Variants in ROBO2 observed in about 807,000 individuals in gnomAD.
ROBO2 encodes roundabout homolog 2.
Under a neutral mutation model 160.8 loss-of-function variants are expected in ROBO2, and 53 were observed. The ratio of observed to expected loss-of-function variants is 0.33; its 90% CI spans 0.26 to 0.41. The LOEUF (loss-of-function observed/expected upper bound fraction) is 0.41. ROBO2 is among the 10% of genes least tolerant of loss of function. ROBO2 has a pLI of 1.00. For missense variants in ROBO2, 1,577 were observed against 1,722.4 expected (o/e 0.92, Z 1.49); for synonymous variants, 664 against 611.7 (o/e 1.09, Z -1.26).
rs145065527 is a variant in ROBO2 at position 76,753,629 on chromosome 3, G to A, written c.110-344385G>A. 6.5e-3 allele frequency among the ~76,000 whole-genome samples: 989 copies of A among 151,870 alleles called. 6 individuals are homozygous for A. Among genetic ancestry groups the A allele is most frequent in the Middle Eastern group, 0.024 (7 of 294 alleles). ...TTTAAGTATTTGATACTTCATATGC[G>A]ATTTATAGCAAATATGGCAGGTCAC... On this transcript the variant is annotated intron_variant, in intron 2 of 26. Transcript: ENST00000487694.
At chr3:77,299,886 C>A (rs1490256405) in intron 2 of ROBO2, among the ~76,000 whole-genome samples, 1 of 151,942 alleles carries the variant, frequency 6.6e-6, no homozygotes, top group Non-Finnish European at 1.5e-5. Context: ...AATGGAGACC[C>A]CAAGTTGGTT....
chr3:76,638,386 A>G (rs543047168), intron 2 of ROBO2, among the ~76,000 whole-genome samples: 10 of 152,346 alleles, frequency 6.6e-5, no homozygotes, highest in African/African-American at 1.7e-4. Context: ...TTGGTGGTCA[A>G]TAATTCAAAG....
chr3:76,046,685 A>G (rs553640266), intron 2 of ROBO2, among the ~76,000 whole-genome samples: 220 of 152,100 alleles, frequency 1.4e-3, no homozygotes, highest in Admixed American at 1.8e-3. Context: ...GGACCACATC[A>G]TACTGGGCCC....
intron 2 of ROBO2, among the ~76,000 whole-genome samples, chr3:77,348,902 A>G (rs1233118677): frequency 2.0e-5 from 3 of 151,564 alleles, no homozygotes; most frequent in African/African-American, 7.3e-5. Context: ...ATCTTTTCCA[A>G]CAGATATTCA....
At chr3:76,601,444 A>G (rs1366506698) in intron 2 of ROBO2, among the ~76,000 whole-genome samples, 2 of 152,114 alleles carry the variant, frequency 1.3e-5, no homozygotes, top group Non-Finnish European at 2.9e-5. Flanking sequence ...TTTCCATACA[A>G]TTTTTGAAAT....
chr3:76,632,514 C>T lies in ROBO2; in HGVS notation c.110-465500C>T, dbSNP rs371838737. ...TTAGAGCACAATTCTTACCAAATGT[C>T]ATAGTAGTAAAGTCATTAAATTTGT... On this transcript the variant is annotated intron_variant, in intron 2 of 26. Transcript: ENST00000487694. Among the ~76,000 whole-genome samples the T allele has an allele frequency of 7.9e-5, 12 of 152,174 alleles. 1 individual carries two copies. In the South Asian group the frequency reaches 1.2e-3, roughly 16 times the overall value.
intron 2 of ROBO2, among the ~76,000 whole-genome samples, chr3:76,915,708 C>A (rs112979639): frequency 6.6e-6 from 1 of 150,912 alleles, no homozygotes; most frequent in African/African-American, 2.4e-5. Flanking sequence ...GAGTGAAAAG[C>A]GTGACTTTCA....
intron 2 of ROBO2, among the ~76,000 whole-genome samples, chr3:76,465,560 TGCA>T (rs2078316190): frequency 2.0e-5 from 3 of 152,040 alleles, no homozygotes; most frequent in Admixed American, 1.3e-4. Flanking sequence ...ATTATAAAAT[TGCA>T]GCAGATCATT....
chr3:76,688,825 A>G (rs1560380232), intron 2 of ROBO2, among the ~76,000 whole-genome samples: 2 of 151,902 alleles, frequency 1.3e-5, no homozygotes, highest in Admixed American at 6.6e-5. Flanking sequence ...TCTCCTTTCA[A>G]TCTCTCCCTC....
intron 2 of ROBO2, among the ~76,000 whole-genome samples, chr3:77,240,012 G>A (rs762224055): frequency 1.2e-4 from 18 of 152,190 alleles, no homozygotes; most frequent in Non-Finnish European, 1.8e-4. Flanking sequence ...CCTGACTCAG[G>A]AGCCCAGTTG....
chr3:77,442,940 G>A (rs921661896), intron 2 of ROBO2, among the ~76,000 whole-genome samples: 1 of 152,316 alleles, frequency 6.6e-6, no homozygotes, highest in South Asian at 2.1e-4. Flanking sequence ...TCTGCATGAA[G>A]TCAGTTAGAT....
At chr3:77,099,119 C>T (rs1300432697) in intron 2 of ROBO2, among the ~76,000 whole-genome samples, 2 of 142,384 alleles carry the variant, frequency 1.4e-5, no homozygotes, top group African/African-American at 5.2e-5. Flanking sequence ...TCACATAGGC[C>T]GGAGTGCAAT....
intron 2 of ROBO2, among the ~76,000 whole-genome samples, chr3:76,487,927 G>T (rs1034395589): frequency 1.3e-5 from 2 of 152,120 alleles, no homozygotes; most frequent in Admixed American, 1.3e-4. Flanking sequence ...TCTGAGTTTA[G>T]CCTGCAAAGG....
intron 21 of ROBO2, among the ~76,000 whole-genome samples, chr3:77,614,991 CT>C (rs1279825538): frequency 2.6e-5 from 4 of 152,114 alleles, no homozygotes; most frequent in African/African-American, 9.6e-5. Flanking sequence ...TAAAATGTTC[CT>C]TTTACTGGTG....
At chr3:76,233,635 T>TACTCATTCA (rs1704757382) in intron 2 of ROBO2, among the ~76,000 whole-genome samples, 1 of 152,210 alleles carries the variant, frequency 6.6e-6, no homozygotes, top group Non-Finnish European at 1.5e-5. Flanking sequence ...TACCACTGTC[T>TACTCATTCA]ACTCATTCAA....
At chr3:77,119,484 G>A (rs2074537105) in intron 2 of ROBO2, among the ~76,000 whole-genome samples, 2 of 152,148 alleles carry the variant, frequency 1.3e-5, no homozygotes, top group African/African-American at 4.8e-5. Flanking sequence ...CCAGTAGCAT[G>A]AACACTTGTT....
intron 2 of ROBO2, among the ~76,000 whole-genome samples, chr3:77,175,568 G>T (rs2150783693): frequency 6.6e-6 from 1 of 152,106 alleles, no homozygotes; most frequent in Non-Finnish European, 1.5e-5. Context: ...GTGTGAAATG[G>T]ATAATCATTT....
At chr3:76,629,925 A>G (rs936209301) in intron 2 of ROBO2, among the ~76,000 whole-genome samples, 5 of 152,204 alleles carry the variant, frequency 3.3e-5, no homozygotes, top group Admixed American at 2.0e-4. Context: ...TGCCAATGCC[A>G]TGATGACATG....
At chr3:76,468,666 A>C (rs1221823804) in intron 2 of ROBO2, among the ~76,000 whole-genome samples, 1 of 152,102 alleles carries the variant, frequency 6.6e-6, no homozygotes, top group African/African-American at 2.4e-5. Context: ...CTTGTTGTGT[A>C]GATAACACCC....
Sources: gnomAD v4.1 joint callset for allele counts (sites outside exome capture counted in the v4.1 genomes callset) on GRCh38, gnomAD v4.1.1 for gene constraint, MANE v1.5 for transcripts, NCBI Gene and HGNC (gene_info 2026-07-23, HGNC 2026-07-21) for gene names.